BTG4: variants seen among roughly 807,000 people sequenced by gnomAD.
The protein encoded by BTG4 is protein BTG4.
In BTG4, 10 loss-of-function variants were observed where a neutral mutation model predicts 19.3. The ratio of observed to expected loss-of-function variants is 0.52; its 90% CI spans 0.32 to 0.88. The LOEUF is 0.88. Among genes scored for constraint, BTG4 ranks in the 40% least tolerant of loss-of-function variants. The pLI is 0.04. For synonymous variants in BTG4, 91 were observed against 95.7 expected (o/e 0.95, Z 0.29); for missense variants, 238 against 281.9 (o/e 0.84, Z 1.11).
At chr11:111,408,490 A>G in the BTG4 span, among the ~76,000 whole-genome samples, 1 of 152,214 alleles carries the variant, frequency 6.6e-6, no homozygotes, top group Non-Finnish European at 1.5e-5. Context: ...TGCCTCCTCC[A>G]GCAGCCATCC....
chr11:111,474,985 T>C (rs1864317340), intron 5 of BTG4: 1 of 152,356 alleles, frequency 6.6e-6, no homozygotes, highest in African/African-American at 2.4e-5. Context: ...ATTGTGCCTA[T>C]TTTTTTTCTT....
chr11:111,430,860 T>G, the BTG4 span, among the ~76,000 whole-genome samples: 4 of 152,338 alleles, frequency 2.6e-5, no homozygotes, highest in African/African-American at 7.2e-5. Context: ...TTAAAGTGCC[T>G]CTCAATTGAG....
the BTG4 span, among the ~76,000 whole-genome samples, chr11:111,392,077 GA>G: frequency 6.6e-6 from 1 of 151,144 alleles, no homozygotes; most frequent in Non-Finnish European, 1.5e-5. Context: ...TAGGACCAGA[GA>G]GATGAAATTA....
intron 5 of BTG4, among the ~76,000 whole-genome samples, chr11:111,476,022 C>T (rs916188083): frequency 2.6e-5 from 4 of 152,026 alleles, no homozygotes; most frequent in African/African-American, 7.2e-5. Flanking sequence ...ATCACCTCCA[C>T]TCGACCCCAA....
the BTG4 span, chr11:111,455,945 C>T: frequency 2.6e-6 from 1 of 390,410 alleles, no homozygotes; most frequent in Non-Finnish European, 5.3e-6. Flanking sequence ...GGCAACTAGC[C>T]CTGTAGAAAC....
the BTG4 span, among the ~76,000 whole-genome samples, chr11:111,390,602 C>A: frequency 1.3e-5 from 2 of 152,186 alleles, no homozygotes; most frequent in Non-Finnish European, 2.9e-5. Context: ...AATGCCCTCA[C>A]AATAACAAAG....
At chr11:111,418,196 C>T in the BTG4 span, 6 of 152,228 alleles carry the variant, frequency 3.9e-5, no homozygotes, top group African/African-American at 1.2e-4. Context: ...CACCTTAAGC[C>T]ATCTGACTGC....
At chr11:111,452,857 C>T in the BTG4 span, among the ~76,000 whole-genome samples, 1 of 152,060 alleles carries the variant, frequency 6.6e-6, no homozygotes, top group Non-Finnish European at 1.5e-5. Flanking sequence ...AGAGTTGATG[C>T]CTGAATGAGG....
intron 5 of BTG4, among the ~76,000 whole-genome samples, chr11:111,488,577 G>A (rs761271704): frequency 1.4e-4 from 21 of 152,054 alleles, no homozygotes; most frequent in Admixed American, 2.0e-4. Context: ...TCAGGCAACC[G>A]AAACAAAAAT....
At chr11:111,493,184 G>A (rs1264289923), downstream of BTG4, among the ~76,000 whole-genome samples, 2 of 152,062 alleles carry the variant, frequency 1.3e-5, no homozygotes, top group South Asian at 4.2e-4. Context: ...GTCCAAAAGA[G>A]TCGAGGTTAG....
chr11:111,418,611 A>C, the BTG4 span, among the ~76,000 whole-genome samples: 2 of 152,196 alleles, frequency 1.3e-5, no homozygotes, highest in African/African-American at 4.8e-5. Flanking sequence ...TAAGGTTTTC[A>C]TAAAGGGGAA....
chr11:111,470,282 T>A (rs1340335629), intron 5 of BTG4, among the ~76,000 whole-genome samples: 1 of 152,106 alleles, frequency 6.6e-6, no homozygotes, highest in African/African-American at 2.4e-5. Context: ...CAGGGTTTTG[T>A]CAGGTTGCCC....
At chr11:111,413,557 A>G in the BTG4 span, among the ~76,000 whole-genome samples, 1 of 152,266 alleles carries the variant, frequency 6.6e-6, no homozygotes, top group Non-Finnish European at 1.5e-5. Flanking sequence ...ACAGATGAGG[A>G]AATTGAGGCT....
chr11:111,478,258 C>T (rs1317376314), intron 5 of BTG4, among the ~76,000 whole-genome samples: 1 of 152,232 alleles, frequency 6.6e-6, no homozygotes, highest in African/African-American at 2.4e-5. Context: ...CCTATACCTG[C>T]CCAGCAGTAA....
rs755714826 is a variant in BTG4 at position 111,498,586 on chromosome 11, C to T, written c.173+18G>A. ...TTGGTGATTGCTTCCCTTTGCCATC[C>T]CACATACTAGCTCTCACCTGAAGGC... On this transcript the variant is annotated intron_variant, in intron 2 of 4. Transcript: ENST00000692032. The T allele has an allele frequency of 4.4e-6, 7 of 1,598,228 alleles. No individual in the cohort carries two copies. The South Asian group carries it at 6.9e-5, about 16-fold the overall frequency.
At chr11:111,393,357 C>T in the BTG4 span, among the ~76,000 whole-genome samples, 1 of 152,238 alleles carries the variant, frequency 6.6e-6, no homozygotes, top group Non-Finnish European at 1.5e-5. Flanking sequence ...ATTGAAACAC[C>T]TGTTCCTTGC....
chr11:111,498,117 G>C lies in BTG4; in HGVS notation c.192C>G (p.Asn64Lys). The C allele has an allele frequency of 6.2e-7, 1 of 1,613,980 alleles. No individual in the cohort carries two copies. The highest frequency in any genetic ancestry group is 8.5e-7 in the Non-Finnish European group (1 of 1,179,960). The change falls in exon 3 of 5, where the codon AAC becomes AAG. Residue 64 changes from asparagine (N) to lysine (K), a missense_variant. Asn to Lys is a moderately conservative substitution (Grantham distance 94, BLOSUM62 0). Coordinates refer to ENST00000692032, the MANE Select transcript of BTG4 (RefSeq NM_001367975.1). ...GQAFRCIRINNNQNKDPILER... is the reference protein window; with the variant it reads ...GQAFRCIRINKNQNKDPILER... ...CTAGAATGGGATCTTTATTCTGATT[G>C]TTGTTTATCCTGATGCACCTTTTTA... is the stretch of plus-strand genomic sequence containing the variant.
At chr11:111,426,151 G>T in the BTG4 span, among the ~76,000 whole-genome samples, 2 of 152,194 alleles carry the variant, frequency 1.3e-5, no homozygotes, top group African/African-American at 2.4e-5. Context: ...AAGGAGGAGG[G>T]TGATGAGTTC....
chr11:111,436,276 C>A, the BTG4 span, among the ~76,000 whole-genome samples: 1 of 152,168 alleles, frequency 6.6e-6, no homozygotes, highest in Non-Finnish European at 1.5e-5. Context: ...TGACGACCAC[C>A]TCCAGCTTTG....
Sources: allele counts gnomAD v4.1 joint callset (sites outside exome capture counted in the v4.1 genomes callset), GRCh38; gene constraint gnomAD v4.1.1; transcripts MANE v1.5; gene names NCBI Gene and HGNC (gene_info 2026-07-23, HGNC 2026-07-21).